The following DOCK4 variants were observed in gnomAD, a reference collection of about 807,000 sequenced individuals.
The protein encoded by DOCK4 is dedicator of cytokinesis 4.
DOCK4 carries 97 observed loss-of-function variants against 268.1 expected under a neutral mutation model. The observed-to-expected ratio is 0.36, with a 90% CI of 0.31 to 0.43. The LOEUF (loss-of-function observed/expected upper bound fraction) is 0.43. Ranked by LOEUF, DOCK4 falls within the 20% of genes least tolerant of loss-of-function variation. The pLI is 1.00. For synonymous variants in DOCK4, 954 were observed against 887.2 expected (o/e 1.08, Z -1.34); for missense variants, 2,145 against 2,455.7 (o/e 0.87, Z 2.67).
intron 1 of DOCK4, among the ~76,000 whole-genome samples, chr7:112,188,204 A>G (rs1442788629): frequency 6.6e-6 from 1 of 152,252 alleles, no homozygotes; most frequent in Non-Finnish European, 1.5e-5. Flanking sequence ...AACAGTAAAT[A>G]TCTCATACAC....
intron 1 of DOCK4, among the ~76,000 whole-genome samples, chr7:112,195,071 G>A (rs577410946): frequency 6.6e-6 from 1 of 152,268 alleles, no homozygotes; most frequent in Admixed American, 6.5e-5. Context: ...CTGAGGTCAG[G>A]AGTTCGAGAC....
chr7:111,778,110 T>C (rs964091227), intron 36 of DOCK4, among the ~76,000 whole-genome samples, 166 bp downstream of exon 36: 16 of 152,236 alleles, frequency 1.1e-4, no homozygotes, highest in African/African-American at 3.4e-4. Context: ...ATGTATCATG[T>C]ATATGATATA....
At chr7:112,065,176 A>C (rs963264297) in intron 1 of DOCK4, among the ~76,000 whole-genome samples, 6 of 152,068 alleles carry the variant, frequency 3.9e-5, no homozygotes, top group African/African-American at 1.4e-4. Context: ...AACTTCGAAC[A>C]TCTCTGTGCA....
chr7:112,116,754 A>G (rs1408201273), intron 1 of DOCK4, among the ~76,000 whole-genome samples: 1 of 152,174 alleles, frequency 6.6e-6, no homozygotes, highest in African/African-American at 2.4e-5. Flanking sequence ...AATTTATTGT[A>G]CAGTTTTCTT....
chr7:111,874,470 C>T (rs949037984), intron 17 of DOCK4, among the ~76,000 whole-genome samples: 1 of 152,180 alleles, frequency 6.6e-6, no homozygotes, highest in Non-Finnish European at 1.5e-5. Flanking sequence ...TGATGAATCT[C>T]TACACTGCTC....
chr7:111,749,882 G>C (rs1232713538), intron 42 of DOCK4, among the ~76,000 whole-genome samples: 1 of 152,174 alleles, frequency 6.6e-6, no homozygotes, highest in Non-Finnish European at 1.5e-5. Flanking sequence ...ATCCCCTCTA[G>C]ACAGGGTGTA....
chr7:112,000,073 C>T (rs1047155975), intron 3 of DOCK4, among the ~76,000 whole-genome samples: 1 of 152,042 alleles, frequency 6.6e-6, no homozygotes, highest in Non-Finnish European at 1.5e-5. Context: ...TCCAAAGGGA[C>T]TCTTAACATG....
At chr7:112,031,426 T>C (rs1357578880) in intron 1 of DOCK4, among the ~76,000 whole-genome samples, 1 of 152,210 alleles carries the variant, frequency 6.6e-6, no homozygotes, top group Non-Finnish European at 1.5e-5. Flanking sequence ...TTTCCTTTTT[T>C]CCTTCCTCCC....
At chr7:112,150,483 A>G (rs1815956976) in intron 1 of DOCK4, among the ~76,000 whole-genome samples, 1 of 152,130 alleles carries the variant, frequency 6.6e-6, no homozygotes, top group Non-Finnish European at 1.5e-5. Context: ...CCCCACACGT[A>G]GTCCTGTGTC....
At chr7:112,180,665 T>G (rs1191323290) in intron 1 of DOCK4, among the ~76,000 whole-genome samples, 1 of 152,180 alleles carries the variant, frequency 6.6e-6, no homozygotes, top group Non-Finnish European at 1.5e-5. Context: ...TATATATATG[T>G]CTGAATGAGG....
In DOCK4 at chr7:111,726,695, T is replaced by C. The variant is rs1194261512; in HGVS notation, c.*1579A>G. ...TGTTAAAAGCACATATGTACAAATATTCTTTTTCCATACGTAAAGTATTTG... is the reference window on the plus strand; with the variant it reads ...TGTTAAAAGCACATATGTACAAATACTCTTTTTCCATACGTAAAGTATTTG... On this transcript the variant is annotated 3_prime_UTR_variant, in exon 53 of 53. Coordinates refer to ENST00000428084, the MANE Select transcript of DOCK4 (RefSeq NM_001363540.2). 1.3e-5 allele frequency: 2 copies of C among 152,664 alleles called. No individual in the cohort carries two copies. Among genetic ancestry groups the C allele is most frequent in the African/African-American group, 4.8e-5 (2 of 41,474 alleles). The allele number at this position is 152,664 out of a possible 1,614,324, so 9.5% of individuals were successfully genotyped here.
intron 1 of DOCK4, among the ~76,000 whole-genome samples, chr7:112,042,042 T>C (rs1186383209): frequency 6.6e-6 from 1 of 152,154 alleles, no homozygotes; most frequent in Admixed American, 6.5e-5. Flanking sequence ...AGAGGACTGC[T>C]GGAGGCAAGG....
chr7:111,895,236 CA>C (rs1808643596), intron 16 of DOCK4, among the ~76,000 whole-genome samples: 1 of 152,100 alleles, frequency 6.6e-6, no homozygotes, highest in Admixed American at 6.5e-5. Context: ...CAAAAAAAAG[CA>C]ATGCTGACCT....
chr7:112,078,947 A>G (rs2135708346), intron 1 of DOCK4, among the ~76,000 whole-genome samples: 1 of 152,194 alleles, frequency 6.6e-6, no homozygotes, highest in East Asian at 1.9e-4. Flanking sequence ...GTAACATGGC[A>G]AAACTCCGTC....
intron 1 of DOCK4, among the ~76,000 whole-genome samples, chr7:112,126,738 A>T (rs1417368554): frequency 2.6e-5 from 4 of 152,218 alleles, no homozygotes; most frequent in African/African-American, 9.6e-5. Context: ...CCCATCAAAA[A>T]GTGGGCGAAG....
chr7:112,189,757 T>TG (rs202197415), intron 1 of DOCK4, among the ~76,000 whole-genome samples: 2,177 of 146,102 alleles, frequency 0.015, 66 homozygotes, highest in African/African-American at 0.051. Flanking sequence ...TTTTTTTTTT[T>TG]TTTTTTTTTT....
At chr7:111,818,708 A>G (rs1040510033) in intron 27 of DOCK4, among the ~76,000 whole-genome samples, 1 of 152,098 alleles carries the variant, frequency 6.6e-6, no homozygotes, top group Non-Finnish European at 1.5e-5. Context: ...CACCAACCTC[A>G]TCTTTACTGG....
chr7:112,066,701 A>ATGTGTG (rs1563052267), intron 1 of DOCK4, among the ~76,000 whole-genome samples: 5 of 39,468 alleles, frequency 1.3e-4, no homozygotes, highest in African/African-American at 3.8e-4. Context: ...ATATATATAT[A>ATGTGTG]TATATATATA....
rs28472754 is a variant in DOCK4 at position 111,897,371 on chromosome 7, T to A, written c.1481-1653A>T. Among the ~76,000 whole-genome samples the A allele has an allele frequency of 7.3e-5, 11 of 151,498 alleles. 2 individuals are homozygous for A. Among genetic ancestry groups the A allele is most frequent in the African/African-American group, 2.7e-4 (11 of 41,200 alleles). On this transcript the variant is annotated intron_variant, in intron 15 of 52. Coordinates refer to ENST00000428084, the MANE Select transcript of DOCK4 (RefSeq NM_001363540.2). Reference sequence around the variant, plus strand: ...CAACCTACTAGATAGTCTTTCTTAATGTCATTTAATGCCTCCTTCTCATCC... The same window carrying A: ...CAACCTACTAGATAGTCTTTCTTAAAGTCATTTAATGCCTCCTTCTCATCC...
Sources: allele counts gnomAD v4.1 joint callset (sites outside exome capture counted in the v4.1 genomes callset), GRCh38; gene constraint gnomAD v4.1.1; transcripts MANE v1.5; gene names NCBI Gene and HGNC (gene_info 2026-07-23, HGNC 2026-07-21).